The following EXOC4 variants were observed in gnomAD, a reference collection of about 807,000 sequenced individuals.
EXOC4 encodes exocyst complex component 4, also known as SEC8-like 1.
Under a neutral mutation model 107.2 loss-of-function variants are expected in EXOC4, and 71 were observed. The observed-to-expected ratio is 0.66, with a 90% CI of 0.55 to 0.81. The LOEUF is 0.81. EXOC4 is among the 30% of genes least tolerant of loss of function. EXOC4 has a pLI of 0.00. For synonymous variants in EXOC4, 456 were observed against 441.2 expected (o/e 1.03, Z -0.42); for missense variants, 1,108 against 1,189.6 (o/e 0.93, Z 1.01).
At chr7:133,611,563 C>G (rs940177861) in intron 9 of EXOC4, among the ~76,000 whole-genome samples, 1 of 152,096 alleles carries the variant, frequency 6.6e-6, no homozygotes, top group African/African-American at 2.4e-5. Context: ...CTGCCTACCT[C>G]CCTTCTTCAT....
chr7:133,948,767 A>G (rs1035621709), intron 14 of EXOC4, among the ~76,000 whole-genome samples: 2 of 152,210 alleles, frequency 1.3e-5, no homozygotes, highest in African/African-American at 2.4e-5. Context: ...AGGCATGAGC[A>G]TGAAATGCAA....
intron 10 of EXOC4, among the ~76,000 whole-genome samples, chr7:133,724,276 C>A (rs1445724949): frequency 6.6e-6 from 1 of 152,136 alleles, no homozygotes; most frequent in Non-Finnish European, 1.5e-5. Context: ...CCAAAGGAGA[C>A]CTCAGTCAGA....
intron 10 of EXOC4, among the ~76,000 whole-genome samples, chr7:133,816,868 C>T (rs1278041790): frequency 6.6e-6 from 1 of 152,162 alleles, no homozygotes; most frequent in Non-Finnish European, 1.5e-5. Flanking sequence ...TGGCTGCTCA[C>T]CACCTGCTGT....
At chr7:133,549,560 G>C (rs538971485) in intron 9 of EXOC4, among the ~76,000 whole-genome samples, 8 of 152,022 alleles carry the variant, frequency 5.3e-5, no homozygotes, top group Non-Finnish European at 1.0e-4. Flanking sequence ...CACCAGGATA[G>C]ATATAATAAT....
intron 7 of EXOC4, among the ~76,000 whole-genome samples, chr7:133,390,079 G>A (rs764071231): frequency 1.3e-5 from 2 of 152,090 alleles, no homozygotes; most frequent in African/African-American, 4.8e-5. Context: ...GGGACACAGC[G>A]AAGCCATATC....
chr7:133,684,173 C>T (rs1794245401), intron 10 of EXOC4, among the ~76,000 whole-genome samples: 1 of 152,150 alleles, frequency 6.6e-6, no homozygotes, highest in South Asian at 2.1e-4. Context: ...GAGAACTGGT[C>T]ATATTGCTCA....
intron 14 of EXOC4, among the ~76,000 whole-genome samples, chr7:133,964,849 A>T (rs1801027024): frequency 6.6e-6 from 1 of 152,152 alleles, no homozygotes; most frequent in African/African-American, 2.4e-5. Flanking sequence ...CTACCCAGTA[A>T]TGGAATTGCT....
intron 10 of EXOC4, among the ~76,000 whole-genome samples, chr7:133,758,143 A>C (rs1795956433): frequency 6.6e-6 from 1 of 151,948 alleles, no homozygotes; most frequent in Non-Finnish European, 1.5e-5. Context: ...TGCATAGTTT[A>C]TTTATTTTAT....
chr7:133,754,437 G>T (rs1176027764), intron 10 of EXOC4, among the ~76,000 whole-genome samples: 2 of 152,244 alleles, frequency 1.3e-5, no homozygotes, highest in Non-Finnish European at 2.9e-5. Context: ...GGGAGTTGTT[G>T]GTACTTGGGT....
rs1294993181 is a variant in EXOC4 at position 133,639,122 on chromosome 7, A to G, written c.1514+8981A>G. Among the ~76,000 whole-genome samples the G allele has an allele frequency of 3.9e-5, 6 of 152,344 alleles. No individual in the cohort carries two copies. The East Asian group carries it at 1.2e-3, about 29-fold the overall frequency. On this transcript the variant is annotated intron_variant, in intron 10 of 17. Coordinates refer to ENST00000253861, the MANE Select transcript of EXOC4 (RefSeq NM_021807.4). ...TGAATTGATAATGTAATTTGGTGTT[A>G]AAAATAACATAGGCATACCTAGGGG...
At chr7:133,270,532 T>G (rs1299525925) in intron 1 of EXOC4, among the ~76,000 whole-genome samples, 1 of 152,152 alleles carries the variant, frequency 6.6e-6, no homozygotes. Flanking sequence ...TGAAAGTCCT[T>G]TACCATTTAA....
At chr7:133,687,757 G>A (rs1794337421) in intron 10 of EXOC4, among the ~76,000 whole-genome samples, 2 of 151,884 alleles carry the variant, frequency 1.3e-5, no homozygotes, top group Non-Finnish European at 2.9e-5. Context: ...TAATACAAGT[G>A]CTAATTTTTC....
chr7:133,490,336 T>G (rs1799348602), intron 9 of EXOC4, among the ~76,000 whole-genome samples: 1 of 152,226 alleles, frequency 6.6e-6, no homozygotes, highest in Non-Finnish European at 1.5e-5. Context: ...ATCACAGCTC[T>G]GTGATACACA....
At chr7:133,691,363 C>A (rs1188466993) in intron 10 of EXOC4, among the ~76,000 whole-genome samples, 1 of 152,114 alleles carries the variant, frequency 6.6e-6, no homozygotes, top group East Asian at 1.9e-4. Flanking sequence ...ATAAAATAAA[C>A]CATTTGCTCA....
chr7:133,510,015 C>G (rs1396758049), intron 9 of EXOC4, among the ~76,000 whole-genome samples: 4 of 152,166 alleles, frequency 2.6e-5, no homozygotes, highest in Non-Finnish European at 5.9e-5. Context: ...AAATTCACTG[C>G]TTTTAAATTT....
At chr7:133,720,355 C>T (rs1795082284) in intron 10 of EXOC4, among the ~76,000 whole-genome samples, 1 of 152,058 alleles carries the variant, frequency 6.6e-6, no homozygotes, top group Admixed American at 6.6e-5. Flanking sequence ...GCTATATGTG[C>T]AAATAATCAA....
At position 133,356,427 on chromosome 7, in the gene EXOC4, G is replaced by A. The variant is rs770811321; in HGVS notation, c.861G>A (p.Ala287=). 73 of 1,613,982 alleles carry A rather than the reference G, an allele frequency of 4.5e-5. No individual in the cohort carries two copies. Among genetic ancestry groups the A allele is most frequent in the Non-Finnish European group, 5.8e-5 (68 of 1,180,010 alleles). The change falls in exon 6 of 18, where the codon GCG becomes GCA. Residue 287 remains alanine (A), a synonymous_variant. Transcript: ENST00000253861. ...LFMGILIKGL[A]KLKKIPETVK... ...TGGGTATCCTCATTAAGGGCTTGGC[G>A]AAACTGAAGAAGATCCCAGAAACAG...
intron 10 of EXOC4, among the ~76,000 whole-genome samples, chr7:133,639,842 T>C (rs1469334374): frequency 6.6e-6 from 1 of 152,022 alleles, no homozygotes; most frequent in East Asian, 1.9e-4. Context: ...TCCATTTCTG[T>C]AAAATACCAC....
intron 10 of EXOC4, among the ~76,000 whole-genome samples, chr7:133,717,072 C>T (rs988850696): frequency 6.6e-6 from 1 of 152,142 alleles, no homozygotes; most frequent in Admixed American, 6.5e-5. Flanking sequence ...TTCATAGTTA[C>T]ATTTTTTAAA....
Sources: allele counts gnomAD v4.1 joint callset (sites outside exome capture counted in the v4.1 genomes callset), GRCh38; gene constraint gnomAD v4.1.1; transcripts MANE v1.5; gene names NCBI Gene and HGNC (gene_info 2026-07-23, HGNC 2026-07-21).